Variants in PICALM observed in about 807,000 individuals in gnomAD.
PICALM encodes the protein phosphatidylinositol-binding clathrin assembly protein.
PICALM carries 40 observed loss-of-function variants against 80.5 expected under a neutral mutation model. The observed-to-expected ratio is 0.50, with a 90% CI of 0.39 to 0.65. PICALM has a LOEUF of 0.65. Among genes scored for constraint, PICALM ranks in the 30% least tolerant of loss-of-function variants. The probability of loss-of-function intolerance (pLI) is 0.00; values close to 1 mark genes in which losing one functional copy is unlikely to be tolerated. For synonymous variants in PICALM, 288 were observed against 260.3 expected (o/e 1.11, Z -1.02); for missense variants, 676 against 778.9 (o/e 0.87, Z 1.57).
chr11:86,011,791 T>C (rs2095398422), intron 6 of PICALM, among the ~76,000 whole-genome samples: 1 of 152,092 alleles, frequency 6.6e-6, no homozygotes, highest in Non-Finnish European at 1.5e-5. Context: ...ATATTTGTTT[T>C]TTTCCCATCT....
intron 2 of PICALM, among the ~76,000 whole-genome samples, chr11:86,031,190 A>G (rs2095745485): frequency 6.6e-6 from 1 of 152,164 alleles, no homozygotes; most frequent in Non-Finnish European, 1.5e-5. Context: ...TATATAGTCT[A>G]TAAACAGGAC....
intron 3 of PICALM, among the ~76,000 whole-genome samples, chr11:86,025,669 C>T (rs1362115506): frequency 2.0e-5 from 3 of 151,914 alleles, no homozygotes; most frequent in Non-Finnish European, 1.5e-5. Context: ...AGCGATTCTC[C>T]TGCCTCAGCC....
intron 7 of PICALM, 122 bp downstream of exon 7, chr11:86,010,908 T>C: frequency 1.6e-6 from 1 of 642,896 alleles, no homozygotes; most frequent in Non-Finnish European, 2.8e-6. Flanking sequence ...CAATACAGCA[T>C]AATAATGATT....
Position 85,959,011 on chromosome 11 carries a change from G to A in PICALM, c.*35C>T, listed in dbSNP as rs760111385. 2 of 1,561,362 alleles carry A rather than the reference G, an allele frequency of 1.3e-6. No individual in the cohort carries two copies. Among genetic ancestry groups the A allele is most frequent in the Non-Finnish European group, 1.8e-6 (2 of 1,141,610 alleles). ...TAAGGATTTTGCTGCTTGAGCACTT[G>A]TCTTTTTGGAGTAATTCCATTTTCT... On this transcript the variant is annotated 3_prime_UTR_variant, in exon 20 of 20. Transcript: ENST00000393346.
intron 12 of PICALM, among the ~76,000 whole-genome samples, chr11:85,994,361 T>C (rs2094890180): frequency 6.6e-6 from 1 of 152,220 alleles, no homozygotes; most frequent in Admixed American, 6.5e-5. Flanking sequence ...TCTCCCATTT[T>C]CATTCTACCA....
chr11:86,013,869 T>C (rs935214807), intron 5 of PICALM, among the ~76,000 whole-genome samples: 1 of 152,196 alleles, frequency 6.6e-6, no homozygotes, highest in African/African-American at 2.4e-5. Context: ...TGTTGTAACA[T>C]AAAACAGCCA....
chr11:86,052,959 C>A (rs1565568528), intron 1 of PICALM, among the ~76,000 whole-genome samples: 1 of 152,196 alleles, frequency 6.6e-6, no homozygotes, highest in Non-Finnish European at 1.5e-5. Context: ...ACCTGAAATG[C>A]CTAGTGTTCC....
At chr11:86,045,164 A>C (rs1443206520) in intron 1 of PICALM, among the ~76,000 whole-genome samples, 1 of 152,224 alleles carries the variant, frequency 6.6e-6, no homozygotes, top group African/African-American at 2.4e-5. Context: ...CTATAAAATA[A>C]AGCCATTAAT....
At chr11:86,019,788 G>C (rs1212165157) in intron 4 of PICALM, among the ~76,000 whole-genome samples, 2 of 152,132 alleles carry the variant, frequency 1.3e-5, no homozygotes, top group African/African-American at 4.8e-5. Context: ...ATAACTAAGA[G>C]GTTACCTCTA....
intron 13 of PICALM, among the ~76,000 whole-genome samples, 157 bp from the exon 14 acceptor site, chr11:85,984,130 G>A (rs898532788): frequency 2.0e-5 from 3 of 151,966 alleles, no homozygotes; most frequent in Admixed American, 6.6e-5. Flanking sequence ...CACATTTTTC[G>A]CAGTGATTGC....
At chr11:86,018,775 A>C (rs924123979) in intron 4 of PICALM, among the ~76,000 whole-genome samples, 17 of 151,990 alleles carry the variant, frequency 1.1e-4, no homozygotes, top group African/African-American at 4.1e-4. Context: ...TGTAGTCCCA[A>C]CTACTTGGGA....
intron 1 of PICALM, among the ~76,000 whole-genome samples, chr11:86,054,524 C>A (rs1366687279): frequency 6.6e-6 from 1 of 152,172 alleles, no homozygotes; most frequent in Non-Finnish European, 1.5e-5. Flanking sequence ...TTCCCACAAA[C>A]ACACCATAAA....
chr11:85,986,958 T>G (rs558739471), intron 13 of PICALM, among the ~76,000 whole-genome samples: 1 of 152,338 alleles, frequency 6.6e-6, no homozygotes, highest in African/African-American at 2.4e-5. Flanking sequence ...ACCACTGGCC[T>G]GCAGGTTAAA....
chr11:86,042,984 G>T (rs1593270507), intron 1 of PICALM, among the ~76,000 whole-genome samples: 1 of 152,126 alleles, frequency 6.6e-6, no homozygotes, highest in Admixed American at 6.6e-5. Flanking sequence ...AGAAAAGTAC[G>T]TTATTAGTTA....
chr11:86,062,611 G>A (rs1157765535), intron 1 of PICALM, among the ~76,000 whole-genome samples: 5 of 151,834 alleles, frequency 3.3e-5, no homozygotes, highest in Admixed American at 6.6e-5. Context: ...TACCACTTTC[G>A]TGGGGGATAT....
At chr11:86,032,161 C>CAA (rs796608972) in intron 1 of PICALM, among the ~76,000 whole-genome samples, 1 of 152,090 alleles carries the variant, frequency 6.6e-6, no homozygotes, top group Middle Eastern at 3.2e-3. Flanking sequence ...TTTGTTCATA[C>CAA]AAAAGATTTA....
chr11:86,011,851 GT>G lies in PICALM; in HGVS notation c.658+429del, dbSNP rs71040204. Among the ~76,000 whole-genome samples the G allele has an allele frequency of 8.0e-4, 106 of 132,882 alleles. 1 individual carries two copies. Among genetic ancestry groups the G allele is most frequent in the South Asian group, 1.7e-3 (7 of 4,028 alleles). The allele number at this position is 132,882 out of a possible 152,430, so 87.2% of individuals were successfully genotyped here. The stretch of plus-strand genomic sequence containing the variant: ...TAACATAAAACTTACTATCCTTTTT[GT>G]TTTTTTTTTTTTTTTGAAACTGAGT... On this transcript the variant is annotated intron_variant, in intron 6 of 19. Transcript: ENST00000393346.
At chr11:86,028,096 T>C (rs932672038) in intron 2 of PICALM, among the ~76,000 whole-genome samples, 1 of 152,226 alleles carries the variant, frequency 6.6e-6, no homozygotes, top group Non-Finnish European at 1.5e-5. Flanking sequence ...TTCCTTTTCA[T>C]TTTATTAGTC....
At chr11:86,018,387 T>A (rs1028166417) in intron 4 of PICALM, among the ~76,000 whole-genome samples, 11 of 152,208 alleles carry the variant, frequency 7.2e-5, no homozygotes, top group African/African-American at 2.7e-4. Context: ...TTAGTATAAC[T>A]TTTATAAAGG....
Sources: gnomAD v4.1 joint callset for allele counts (sites outside exome capture counted in the v4.1 genomes callset) on GRCh38, gnomAD v4.1.1 for gene constraint, MANE v1.5 for transcripts, NCBI Gene and HGNC (gene_info 2026-07-23, HGNC 2026-07-21) for gene names.